Variants in MAST4 observed in about 807,000 individuals in gnomAD.
MAST4 encodes microtubule-associated serine/threonine-protein kinase 4.
A neutral mutation model predicts 162.7 loss-of-function variants in MAST4; 89 were observed. The observed-to-expected ratio is 0.55, with a 90% CI of 0.46 to 0.65. The LOEUF is 0.65. Among genes scored for constraint, MAST4 ranks in the 30% least tolerant of loss-of-function variants. The pLI is 0.00. For missense variants in MAST4, 3,153 were observed against 3,374.0 expected, an observed-to-expected ratio of 0.93 and a Z score of 1.62; for synonymous variants, 1,479 against 1,361.1, an observed-to-expected ratio of 1.09 and a Z score of -1.91.
intron 4 of MAST4, among the ~76,000 whole-genome samples, chr5:66,986,077 A>G (rs1749455547): frequency 1.3e-5 from 2 of 152,258 alleles, no homozygotes; most frequent in South Asian, 4.1e-4. Flanking sequence ...CAGCTGTAAT[A>G]TAATAACAGA....
chr5:66,664,145 G>A (rs1231232503), intron 1 of MAST4, among the ~76,000 whole-genome samples: 1 of 152,030 alleles, frequency 6.6e-6, no homozygotes, highest in African/African-American at 2.4e-5. Flanking sequence ...CTGAAAATCA[G>A]GAGTTTGAGG....
At chr5:66,700,106 C>A (rs181725927) in intron 1 of MAST4, among the ~76,000 whole-genome samples, 2 of 152,212 alleles carry the variant, frequency 1.3e-5, no homozygotes, top group Admixed American at 1.3e-4. Flanking sequence ...CTCTATTTCC[C>A]TCCCCTTCTC....
chr5:66,755,122 CTA>C (rs139816630), intron 1 of MAST4, among the ~76,000 whole-genome samples: 117 of 152,108 alleles, frequency 7.7e-4, no homozygotes, highest in African/African-American at 2.8e-3. Flanking sequence ...TCTTGAGATG[CTA>C]TTGCAAGAGA....
In MAST4 at chr5:66,617,817, G is replaced by C. The variant is rs577028857; in HGVS notation, c.363+20799G>C. On this transcript the variant is annotated intron_variant, in intron 1 of 28. Coordinates refer to ENST00000403625, the MANE Select transcript of MAST4 (RefSeq NM_001164664.2). ...GGAAAGGCCAGTGACCATTAACAAAGTAAAACATCAACGCGTACTAATAAA... is the reference window on the plus strand; with the variant it reads ...GGAAAGGCCAGTGACCATTAACAAACTAAAACATCAACGCGTACTAATAAA... 1.3e-4 allele frequency among the ~76,000 whole-genome samples: 20 copies of C among 152,284 alleles called. No homozygotes were observed. In the South Asian group the frequency reaches 3.9e-3, roughly 30 times the overall value.
At chr5:67,054,513 G>A (rs778583036) in intron 5 of MAST4, 21 bp downstream of exon 5, 1 of 1,575,466 alleles carries the variant, frequency 6.3e-7, no homozygotes, top group Non-Finnish European at 8.6e-7. Context: ...ACCATTTCTT[G>A]AGTTTTGTTT....
At position 66,714,138 on chromosome 5, in the gene MAST4, G is replaced by C. The variant is rs149804841; in HGVS notation, c.364-45571G>C. ...CTCTACTTAGTCTTTCTGCTAAACT[G>C]CCTCTCTCTGGCTACACAGATGACT... On this transcript the variant is annotated intron_variant, in intron 1 of 28. Transcript: ENST00000403625. Among the ~76,000 whole-genome samples, 12 of 152,300 alleles carry C rather than the reference G, an allele frequency of 7.9e-5. No homozygotes were observed. In the East Asian group the frequency reaches 2.3e-3, roughly 29 times the overall value.
At chr5:67,161,967 G>T (rs1272050058) in intron 27 of MAST4, among the ~76,000 whole-genome samples, 2 of 152,150 alleles carry the variant, frequency 1.3e-5, no homozygotes, top group Non-Finnish European at 2.9e-5. Flanking sequence ...CTGTGCTTTT[G>T]CCTTAAGATG....
At chr5:67,155,923 G>A (rs1772431102) in intron 26 of MAST4, among the ~76,000 whole-genome samples, 1 of 152,066 alleles carries the variant, frequency 6.6e-6, no homozygotes, top group African/African-American at 2.4e-5. Flanking sequence ...AGCTGGGCGT[G>A]GTGGTGGGCG....
chr5:66,668,806 G>A (rs1383849281), intron 1 of MAST4, among the ~76,000 whole-genome samples: 5 of 152,202 alleles, frequency 3.3e-5, no homozygotes, highest in Non-Finnish European at 7.3e-5. Flanking sequence ...ATATTCAGAG[G>A]TAGTAGGGGG....
At chr5:67,080,572 A>G (rs1762482687) in intron 5 of MAST4, among the ~76,000 whole-genome samples, 1 of 152,174 alleles carries the variant, frequency 6.6e-6, no homozygotes, top group Non-Finnish European at 1.5e-5. Context: ...ACAGAACATA[A>G]ATGAAAGGAC....
chr5:66,722,217 A>G (rs1751254178), intron 1 of MAST4, among the ~76,000 whole-genome samples: 1 of 150,616 alleles, frequency 6.6e-6, no homozygotes, highest in Admixed American at 6.6e-5. Flanking sequence ...GACCTTACCA[A>G]CTCCTATTTT....
intron 1 of MAST4, among the ~76,000 whole-genome samples, chr5:66,620,459 C>A (rs1244762414): frequency 1.3e-5 from 2 of 152,064 alleles, no homozygotes; most frequent in African/African-American, 4.8e-5. Flanking sequence ...GGCACATTAT[C>A]TCTAATACTT....
rs376404819 is a variant in MAST4 at position 67,059,374 on chromosome 5, TA to T, written c.763+4889del. On this transcript the variant is annotated intron_variant, in intron 5 of 28. Transcript: ENST00000403625. ...TCAACTGACTTGGGACAATTACAGC[TA>T]AAAAAATCTCTTCATAGTAGTATTC... Among the ~76,000 whole-genome samples the T allele has an allele frequency of 3.3e-5, 5 of 152,258 alleles. No homozygotes were observed. The East Asian group carries it at 9.6e-4, about 29-fold the overall frequency.
At chr5:66,612,594 G>C (rs1743363269) in intron 1 of MAST4, among the ~76,000 whole-genome samples, 1 of 152,174 alleles carries the variant, frequency 6.6e-6, no homozygotes, top group Non-Finnish European at 1.5e-5. Context: ...CCTGTAGTTG[G>C]GTTTGGAGAC....
chr5:67,165,138 G>A lies in MAST4; in HGVS notation c.5959G>A (p.Ala1987Thr), dbSNP rs756438031. 1 of 1,590,520 alleles carries A rather than the reference G, an allele frequency of 6.3e-7. No individual in the cohort carries two copies. The highest frequency in any genetic ancestry group is 1.1e-5 in the South Asian group (1 of 88,028). Residue 1987 changes from alanine to threonine, a missense_variant, in exon 29 of 29, where the codon GCT becomes ACT. Transcript: ENST00000403625. ...GPPTARSERS[A>T]ARADTCREPS... ...TCCCACAGCCAGAAGCGAGCGCTCTGCTGCGAGGGCTGACACATGCAGAGA... is the reference window on the plus strand; with the variant it reads ...TCCCACAGCCAGAAGCGAGCGCTCTACTGCGAGGGCTGACACATGCAGAGA...
At chr5:66,973,983 T>C (rs1299810035) in intron 4 of MAST4, among the ~76,000 whole-genome samples, 1 of 152,146 alleles carries the variant, frequency 6.6e-6, no homozygotes. Flanking sequence ...TTTGAGCACC[T>C]CCTCACTTTC....
chr5:67,130,443 C>T lies in MAST4; in HGVS notation c.1954+25C>T. The T allele has an allele frequency of 1.9e-6, 3 of 1,607,506 alleles. No individual in the cohort carries two copies. The Middle Eastern group carries it at 5.0e-4, about 267-fold the overall frequency. On this transcript the variant is annotated intron_variant, in intron 15 of 28. Transcript: ENST00000403625. ...GGTATCTGACACGGAAAACATGACA[C>T]CTGTACCCAGGAATCCCTTGCTCAT...
chr5:67,121,672 G>A (rs1581635856), intron 14 of MAST4, among the ~76,000 whole-genome samples: 1 of 148,718 alleles, frequency 6.7e-6, no homozygotes, highest in South Asian at 2.1e-4. Flanking sequence ...AACAGCTGAT[G>A]ACCTGAAAAA....
At chr5:66,963,621 A>T (rs1746288865) in intron 4 of MAST4, 1 of 756,980 alleles carries the variant, frequency 1.3e-6, no homozygotes, top group South Asian at 1.4e-5. Flanking sequence ...ATTCTGGCCT[A>T]AAGGGAACAC....
Sources: allele counts gnomAD v4.1 joint callset (sites outside exome capture counted in the v4.1 genomes callset), GRCh38; gene constraint gnomAD v4.1.1; transcripts MANE v1.5; gene names NCBI Gene and HGNC (gene_info 2026-07-23, HGNC 2026-07-21).